SRGAP3: variants seen among roughly 807,000 people sequenced by gnomAD.
SRGAP3 encodes SLIT-ROBO Rho GTPase-activating protein 3.
A neutral mutation model predicts 121.1 loss-of-function variants in SRGAP3; 39 were observed. The observed-to-expected ratio is 0.32, with a 90% CI of 0.25 to 0.42. The LOEUF is 0.42. Among genes scored for constraint, SRGAP3 ranks in the 10% least tolerant of loss-of-function variants. The pLI is 1.00. For missense variants in SRGAP3, 1,213 were observed against 1,470.6 expected, an observed-to-expected ratio of 0.82 and a Z score of 2.86; for synonymous variants, 601 against 570.0, an observed-to-expected ratio of 1.05 and a Z score of -0.77.
intron 14 of SRGAP3, 108 bp downstream of exon 14, chr3:9,025,153 G>A (rs1021373170): frequency 8.7e-7 from 1 of 1,151,412 alleles, no homozygotes; most frequent in African/African-American, 1.5e-5. Context: ...ATCAGCTCCT[G>A]CAAACCACTG....
At chr3:9,084,802 G>A (rs554537546) in intron 3 of SRGAP3, among the ~76,000 whole-genome samples, 1 of 152,250 alleles carries the variant, frequency 6.6e-6, no homozygotes, top group East Asian at 1.9e-4. Flanking sequence ...GAAATTTCCT[G>A]GAAATGGACT....
intron 1 of SRGAP3, among the ~76,000 whole-genome samples, chr3:9,185,315 G>A (rs147214388): frequency 1.2e-4 from 19 of 152,238 alleles, no homozygotes; most frequent in Non-Finnish European, 2.5e-4. Flanking sequence ...ACCTGGCGAG[G>A]CCAGATTCCA....
intron 1 of SRGAP3, among the ~76,000 whole-genome samples, chr3:9,244,939 G>C (rs1163182198): frequency 1.3e-5 from 2 of 152,188 alleles, no homozygotes; most frequent in African/African-American, 4.8e-5. Context: ...GGTGCACTGA[G>C]GGGGTGAGCA....
Position 8,985,748 on chromosome 3 carries a change from G to A in SRGAP3, c.3071C>T (p.Ala1024Val), listed in dbSNP as rs1192141955. 1.9e-6 allele frequency: 3 copies of A among 1,599,312 alleles called. No individual in the cohort carries two copies. The highest frequency in any genetic ancestry group is 2.2e-5 in the South Asian group (2 of 91,046). ...HTIVIRDPDA[A>V]MRRSSSSSTE... ...GGAGGAGCTGCTGCTGCGGCGCATG[G>A]CGGCATCGGGGTCGCGGATGACGAT... The change falls in exon 22 of 22, where the codon GCC becomes GTC. Residue 1024 changes from alanine to valine, a missense_variant. This residue lies in a region of SRGAP3 where 420 missense variants were observed against 437.7 expected (regional missense o/e 0.96). Coordinates refer to ENST00000383836, the MANE Select transcript of SRGAP3 (RefSeq NM_014850.4). This position sits in a 1 kb window ranked among gnomAD's most constrained non-coding sequence, Gnocchi z 5.1.
chr3:8,992,184 G>T (rs1247090705), intron 20 of SRGAP3, among the ~76,000 whole-genome samples: 1 of 152,208 alleles, frequency 6.6e-6, no homozygotes, highest in Non-Finnish European at 1.5e-5. Context: ...TGTGTGGGCT[G>T]ACCACATGAC....
At chr3:9,141,598 G>GTGTT (rs1949854955) in intron 1 of SRGAP3, among the ~76,000 whole-genome samples, 1 of 135,716 alleles carries the variant, frequency 7.4e-6, no homozygotes, top group South Asian at 2.3e-4. Flanking sequence ...GTGTGTGTGT[G>GTGTT]TGTGTTCTTT....
At chr3:9,073,256 A>T (rs1055740166) in intron 4 of SRGAP3, among the ~76,000 whole-genome samples, 1 of 152,092 alleles carries the variant, frequency 6.6e-6, no homozygotes, top group African/African-American at 2.4e-5. Flanking sequence ...TAATCCTCCC[A>T]CCTCAACCTC....
At chr3:9,124,605 C>T (rs1949147357) in intron 2 of SRGAP3, 120 bp downstream of exon 2, 2 of 1,299,992 alleles carry the variant, frequency 1.5e-6, no homozygotes, top group East Asian at 2.4e-5. Context: ...GAGCCAGGGC[C>T]CTGAAGGCAC....
At chr3:9,295,568 A>G (rs1261139006) in intron 3 of SRGAP3, among the ~76,000 whole-genome samples, 1 of 152,220 alleles carries the variant, frequency 6.6e-6, no homozygotes, top group Non-Finnish European at 1.5e-5. Context: ...AGACAAGGAA[A>G]ATGGAAAATA....
chr3:9,245,659 C>G (rs1261691613), intron 1 of SRGAP3, among the ~76,000 whole-genome samples: 2 of 152,116 alleles, frequency 1.3e-5, no homozygotes, highest in African/African-American at 2.4e-5. Flanking sequence ...CACGGTGGCT[C>G]ACACCTATGA....
At chr3:9,333,555 TAACAG>T in intron 1 of SRGAP3, among the ~76,000 whole-genome samples, 1 of 152,166 alleles carries the variant, frequency 6.6e-6, no homozygotes, top group Non-Finnish European at 1.5e-5. Flanking sequence ...GTTCCTCACA[TAACAG>T]TCCTGCATTT....
At chr3:9,206,095 T>TA (rs1952258177) in intron 1 of SRGAP3, among the ~76,000 whole-genome samples, 2 of 152,314 alleles carry the variant, frequency 1.3e-5, no homozygotes, top group South Asian at 4.1e-4. Context: ...CCAATGAACA[T>TA]ACACTTAAAA....
intron 1 of SRGAP3, among the ~76,000 whole-genome samples, chr3:9,132,871 C>T (rs1949507019): frequency 6.6e-6 from 1 of 151,180 alleles, no homozygotes; most frequent in South Asian, 2.1e-4. Flanking sequence ...ATTACATACA[C>T]AACTGAAAAG....
chr3:9,222,966 C>T lies in SRGAP3; in HGVS notation c.67+25919G>A, dbSNP rs144597017. 2.8e-3 allele frequency among the ~76,000 whole-genome samples: 433 copies of T among 152,352 alleles called. 1 individual carries two copies. Among genetic ancestry groups the T allele is most frequent in the African/African-American group, 9.9e-3 (411 of 41,584 alleles). On this transcript the variant is annotated intron_variant, in intron 1 of 21. Transcript: ENST00000383836. ...ATACCCTGAGCAAGATATTCAGCCT[C>T]TGAGCCACACTCCACAAGACATTGC...
chr3:9,067,656 C>T (rs1055429861), intron 4 of SRGAP3, among the ~76,000 whole-genome samples: 1 of 152,054 alleles, frequency 6.6e-6, no homozygotes, highest in African/African-American at 2.4e-5. Context: ...GGGGAGGCGG[C>T]GGGAGGGAGA....
chr3:9,348,684 G>C (rs1955951603), intron 1 of SRGAP3: 1 of 1,114,734 alleles, frequency 9.0e-7, no homozygotes, highest in East Asian at 2.4e-5. Flanking sequence ...GCTGCCAGTA[G>C]TGAGGATTGG....
chr3:9,198,983 C>T (rs1951991148), intron 1 of SRGAP3, among the ~76,000 whole-genome samples: 1 of 152,168 alleles, frequency 6.6e-6, no homozygotes, highest in Admixed American at 6.5e-5. Context: ...CAGCACTTCT[C>T]GCAGCGACAG....
chr3:9,354,848 T>C (rs564739498), intron 1 of SRGAP3, among the ~76,000 whole-genome samples: 22 of 152,316 alleles, frequency 1.4e-4, no homozygotes, highest in African/African-American at 5.1e-4. Flanking sequence ...TTTAGTTTAA[T>C]ATAACCACTA....
intron 1 of SRGAP3, among the ~76,000 whole-genome samples, chr3:9,151,790 G>C (rs1445007761): frequency 1.3e-5 from 2 of 152,216 alleles, no homozygotes; most frequent in East Asian, 3.8e-4. Context: ...AGGAGCTCAA[G>C]GGAGAGCCGA....
Sources: allele counts gnomAD v4.1 joint callset (sites outside exome capture counted in the v4.1 genomes callset), GRCh38; gene constraint gnomAD v4.1.1; regional missense constraint gnomAD v4.1.1; non-coding constraint Gnocchi (gnomAD v3.1); transcripts MANE v1.5; gene names NCBI Gene and HGNC (gene_info 2026-07-23, HGNC 2026-07-21).